The following ADGRL3 variants were observed in gnomAD, a reference collection of about 807,000 sequenced individuals.
ADGRL3 encodes adhesion G protein-coupled receptor L3, also known as calcium-independent alpha-latrotoxin receptor 3.
A neutral mutation model predicts 153.5 loss-of-function variants in ADGRL3; 62 were observed. The ratio of observed to expected loss-of-function variants is 0.40; its 90% CI spans 0.33 to 0.50. ADGRL3 has a LOEUF of 0.50. ADGRL3 is among the 20% of genes least tolerant of loss of function. The pLI is 0.47. For synonymous variants in ADGRL3, 710 were observed against 672.5 expected (o/e 1.06, Z -0.86); for missense variants, 1,641 against 1,859.4 (o/e 0.88, Z 2.16).
intron 5 of ADGRL3, among the ~76,000 whole-genome samples, chr4:61,657,510 G>A (rs1003084824): frequency 6.6e-6 from 1 of 151,782 alleles, no homozygotes; most frequent in Non-Finnish European, 1.5e-5. Context: ...ATTCACATAG[G>A]TATTGTTCTC....
At chr4:61,938,001 C>T (rs2098846296) in intron 15 of ADGRL3, among the ~76,000 whole-genome samples, 1 of 152,152 alleles carries the variant, frequency 6.6e-6, no homozygotes, top group Admixed American at 6.5e-5. Flanking sequence ...AAGGGATCCT[C>T]CCAACTCAGC....
At chr4:61,534,692 T>C (rs2098644324) in intron 4 of ADGRL3, among the ~76,000 whole-genome samples, 1 of 152,160 alleles carries the variant, frequency 6.6e-6, no homozygotes, top group African/African-American at 2.4e-5. Context: ...TTATTATTTT[T>C]GTGTGTGGAT....
At chr4:61,985,927 A>G (rs899804213) in intron 19 of ADGRL3, among the ~76,000 whole-genome samples, 5 of 150,694 alleles carry the variant, frequency 3.3e-5, no homozygotes, top group African/African-American at 4.8e-5. Context: ...AAACAAAAAA[A>G]CACGTTATCT....
intron 2 of ADGRL3, among the ~76,000 whole-genome samples, chr4:61,416,098 A>G (rs190313998): frequency 0.014 from 2,064 of 152,198 alleles, 25 homozygotes; most frequent in Non-Finnish European, 0.022. Flanking sequence ...TTTAAATATG[A>G]AGGTATTTTT....
At chr4:61,595,062 G>T (rs1438513497) in intron 5 of ADGRL3, among the ~76,000 whole-genome samples, 1 of 152,130 alleles carries the variant, frequency 6.6e-6, no homozygotes, top group Non-Finnish European at 1.5e-5. Context: ...ACCCTTCAGG[G>T]AAGTGTATTG....
intron 8 of ADGRL3, among the ~76,000 whole-genome samples, chr4:61,805,050 G>A (rs1028876568): frequency 3.3e-5 from 5 of 151,674 alleles, no homozygotes; most frequent in African/African-American, 7.3e-5. Flanking sequence ...CCACCTCCCG[G>A]ATTCAAGCGA....
At chr4:61,928,241 T>C (rs2098802902) in intron 13 of ADGRL3, among the ~76,000 whole-genome samples, 1 of 152,158 alleles carries the variant, frequency 6.6e-6, no homozygotes, top group Admixed American at 6.5e-5. Flanking sequence ...TGTTCCCAGC[T>C]TTCAAATGGG....
At chr4:62,034,206 C>G (rs973001588) in intron 23 of ADGRL3, among the ~76,000 whole-genome samples, 5 of 151,596 alleles carry the variant, frequency 3.3e-5, no homozygotes, top group Admixed American at 2.6e-4. Flanking sequence ...CATCCAGCTG[C>G]CTTTTATTTT....
intron 4 of ADGRL3, among the ~76,000 whole-genome samples, chr4:61,524,195 G>C (rs1201842714): frequency 1.3e-5 from 2 of 151,964 alleles, no homozygotes; most frequent in African/African-American, 4.8e-5. Flanking sequence ...GATACAAAGA[G>C]GAAACTTACG....
intron 21 of ADGRL3, among the ~76,000 whole-genome samples, chr4:62,006,016 A>G (rs1263145343): frequency 9.8e-4 from 98 of 100,468 alleles, no homozygotes; most frequent in Non-Finnish European, 1.5e-3. Context: ...ATATATATAT[A>G]TATATATATA....
At chr4:61,654,828 C>A (rs2094395003) in intron 5 of ADGRL3, among the ~76,000 whole-genome samples, 1 of 148,332 alleles carries the variant, frequency 6.7e-6, no homozygotes, top group South Asian at 2.1e-4. Context: ...ACCCATGCGG[C>A]AGAGGTTGCA....
At chr4:61,907,265 G>T (rs6840063) in intron 11 of ADGRL3, among the ~76,000 whole-genome samples, 99,635 of 151,752 alleles carry the variant, frequency 0.66, 33,174 homozygotes, top group Non-Finnish European at 0.72. Context: ...TATTTATTTA[G>T]TTAGTTAGTT....
Position 61,302,139 on chromosome 4 carries a change from G to GT in ADGRL3, c.-239-80985_-239-80984insT, listed in dbSNP as rs1182000938. Among the ~76,000 whole-genome samples, 7 of 152,260 alleles carry GT rather than the reference G, an allele frequency of 4.6e-5. No individual in the cohort carries two copies. The East Asian group carries it at 1.4e-3, about 29-fold the overall frequency. On this transcript the variant is annotated intron_variant, in intron 1 of 26. Coordinates refer to ENST00000683033, the MANE Select transcript of ADGRL3 (RefSeq NM_001387552.1). ...AGAAGTGGATTAAAAGGATAAAAATGGCAGAAGATTGTGCTTGAGACCTGA... is the reference window on the plus strand; with the variant it reads ...AGAAGTGGATTAAAAGGATAAAAATGTGCAGAAGATTGTGCTTGAGACCTGA...
At chr4:61,748,372 A>G (rs1197865855) in intron 8 of ADGRL3, among the ~76,000 whole-genome samples, 1 of 151,870 alleles carries the variant, frequency 6.6e-6, no homozygotes, top group Admixed American at 6.5e-5. Context: ...TAAAGTTCAT[A>G]TGGAACCAAA....
At chr4:61,693,649 A>G (rs2095580485) in intron 6 of ADGRL3, among the ~76,000 whole-genome samples, 1 of 152,174 alleles carries the variant, frequency 6.6e-6, no homozygotes, top group Admixed American at 6.6e-5. Flanking sequence ...GTTTTGTGAT[A>G]CTTTGGTCAG....
At chr4:61,400,329 T>G (rs2152107380) in intron 2 of ADGRL3, among the ~76,000 whole-genome samples, 1 of 151,880 alleles carries the variant, frequency 6.6e-6, no homozygotes, top group East Asian at 1.9e-4. Context: ...TGTTAAAAAG[T>G]TTTGCTCCAG....
intron 8 of ADGRL3, among the ~76,000 whole-genome samples, chr4:61,794,308 C>T (rs2097379995): frequency 6.6e-6 from 1 of 152,138 alleles, no homozygotes; most frequent in South Asian, 2.1e-4. Flanking sequence ...TTTGCTCTCA[C>T]AAGATAAGGA....
chr4:61,216,723 G>A (rs1462296975), intron 1 of ADGRL3, among the ~76,000 whole-genome samples: 1 of 152,098 alleles, frequency 6.6e-6, no homozygotes, highest in African/African-American at 2.4e-5. Context: ...GAGGGCAAAG[G>A]AGTCGTAAAA....
At chr4:61,985,543 A>G (rs527754646) in intron 19 of ADGRL3, among the ~76,000 whole-genome samples, 3 of 152,310 alleles carry the variant, frequency 2.0e-5, no homozygotes, top group Admixed American at 6.5e-5. Flanking sequence ...ACAGAAGTTA[A>G]TAAGCCAAAT....
Sources: allele counts gnomAD v4.1 joint callset (sites outside exome capture counted in the v4.1 genomes callset), GRCh38; gene constraint gnomAD v4.1.1; transcripts MANE v1.5; gene names NCBI Gene and HGNC (gene_info 2026-07-23, HGNC 2026-07-21).